Variants in MTMR12 observed in about 807,000 individuals in gnomAD.
MTMR12 encodes myotubularin-related protein 12.
A neutral mutation model predicts 96.7 loss-of-function variants in MTMR12; 33 were observed. The ratio of observed to expected loss-of-function variants is 0.34; its 90% confidence interval spans 0.26 to 0.46. The LOEUF (loss-of-function observed/expected upper bound fraction) is 0.46, where lower values mean the gene tolerates loss of function less well. Ranked by LOEUF, MTMR12 falls within the 20% of genes least tolerant of loss-of-function variation. The pLI is 1.00. For missense variants in MTMR12, 721 were observed against 896.1 expected (o/e 0.80, Z 2.49); for synonymous variants, 298 against 327.2 (o/e 0.91, Z 0.96).
intron 1 of MTMR12, among the ~76,000 whole-genome samples, chr5:32,308,061 C>T (rs184796960): frequency 1.3e-3 from 197 of 152,320 alleles, no homozygotes; most frequent in African/African-American, 4.4e-3. Context: ...GGGTGGCTCA[C>T]GCCTGTAATC....
At chr5:32,285,077 G>A (rs1022319503) in intron 1 of MTMR12, among the ~76,000 whole-genome samples, 3 of 152,118 alleles carry the variant, frequency 2.0e-5, no homozygotes, top group Non-Finnish European at 2.9e-5. Flanking sequence ...AGAAGCATGG[G>A]CCAGGCACAG....
intron 1 of MTMR12, among the ~76,000 whole-genome samples, chr5:32,295,396 T>C (rs542734890): frequency 7.9e-5 from 12 of 152,364 alleles, no homozygotes; most frequent in South Asian, 2.1e-4. Context: ...AAATTCAACC[T>C]GGTACCTGGT....
At chr5:32,304,703 C>T (rs918404399) in intron 1 of MTMR12, among the ~76,000 whole-genome samples, 2 of 152,176 alleles carry the variant, frequency 1.3e-5, no homozygotes, top group Non-Finnish European at 2.9e-5. Flanking sequence ...TTTTAACGTT[C>T]GAGCTAGAAG....
chr5:32,299,477 T>TG (rs536025332), intron 1 of MTMR12, among the ~76,000 whole-genome samples: 174 of 152,364 alleles, frequency 1.1e-3, no homozygotes, highest in African/African-American at 4.0e-3. Flanking sequence ...CGGATGTGAC[T>TG]GACAGCAGCT....
At position 32,276,736 on chromosome 5, in the gene MTMR12, G is replaced by C; in HGVS notation, c.88C>G (p.His30Asp). 1.9e-6 allele frequency: 3 copies of C among 1,613,404 alleles called. No individual in the cohort carries two copies. The highest frequency in any genetic ancestry group is 2.5e-6 in the Non-Finnish European group (3 of 1,179,516). Residue 30 changes from histidine to aspartate, a missense_variant, in exon 2 of 16, where the codon CAC becomes GAC. By Grantham distance (81) the His-to-Asp change is moderately conservative. Transcript: ENST00000382142. ...TCTGTTACTTCCTTTTCGTTTGTGT[G>C]AATTTCCTAAAAGAGAAGAGCAAAG... is the stretch of plus-strand genomic sequence containing the variant. ...FVSYVRPEEIHTNEKEVTEKE... is the reference protein window; with the variant it reads ...FVSYVRPEEIDTNEKEVTEKE...
At chr5:32,268,462 C>T (rs1749693569) in intron 6 of MTMR12, among the ~76,000 whole-genome samples, 1 of 149,800 alleles carries the variant, frequency 6.7e-6, no homozygotes, top group East Asian at 2.0e-4. Flanking sequence ...GGGCCAAAAT[C>T]ATGCCATTGC....
intron 6 of MTMR12, among the ~76,000 whole-genome samples, chr5:32,267,858 G>A (rs372380761): frequency 5.9e-5 from 9 of 151,618 alleles, no homozygotes; most frequent in East Asian, 1.9e-4. Context: ...TTTTTGAGAC[G>A]GAGTCTCATT....
At chr5:32,276,873 C>CTTT (rs779455702) in intron 1 of MTMR12, 131 bp from the exon 2 acceptor site, 14 of 123,772 alleles carry the variant, frequency 1.1e-4, no homozygotes, top group Middle Eastern at 2.8e-3. Context: ...TTACAAGCTA[C>CTTT]TTTTTTTTTT....
At chr5:32,251,052 CTCTT>C (rs1270427569) in intron 8 of MTMR12, among the ~76,000 whole-genome samples, 2 of 144,702 alleles carry the variant, frequency 1.4e-5, no homozygotes, top group South Asian at 4.2e-4. Flanking sequence ...TAAGGTCCCT[CTCTT>C]TTTTTTTTTT....
intron 15 of MTMR12, among the ~76,000 whole-genome samples, chr5:32,232,684 G>A (rs1404982414): frequency 1.3e-5 from 2 of 152,240 alleles, no homozygotes; most frequent in East Asian, 3.8e-4. Context: ...GCTGTTCTGG[G>A]GCTCAGGGCA....
At position 32,312,748 on chromosome 5, in the gene MTMR12, GC is replaced by G. The variant is rs1751654738; in HGVS notation, c.81+9del. 4.0e-6 allele frequency: 6 copies of G among 1,502,100 alleles called. No individual in the cohort carries two copies. The highest frequency in any genetic ancestry group is 2.9e-5 in the African/African-American group (2 of 69,286). The allele number at this position is 1,502,100 out of a possible 1,614,324, so 93.0% of individuals were successfully genotyped here. On this transcript the variant is annotated intron_variant, in intron 1 of 15. Transcript: ENST00000382142. This position sits in a 1 kb window ranked among gnomAD's most constrained non-coding sequence, Gnocchi z 5.0. ...CTGCCCGACGCCCCGCCTGCGCGGCGCCCCCTCACCTCAGGGCGTACGTACG... is the reference window on the plus strand; with the variant it reads ...CTGCCCGACGCCCCGCCTGCGCGGCGCCCCTCACCTCAGGGCGTACGTACG...
rs1023879653 is a variant in MTMR12, at chr5:32,270,739, T to C, written c.489+78A>G. On this transcript the variant is annotated intron_variant, in intron 5 of 15. Coordinates refer to ENST00000382142, the MANE Select transcript of MTMR12 (RefSeq NM_001040446.3). ...AGTGAAAGCCTCCCCTCAACCTTCA[T>C]GCAACGTAAGCAAAAACTAGAGCTA... 5.4e-6 allele frequency: 8 copies of C among 1,480,684 alleles called. No individual in the cohort carries two copies. The East Asian group carries it at 1.4e-4, about 25-fold the overall frequency. The allele number at this position is 1,480,684 out of a possible 1,614,324, so 91.7% of individuals were successfully genotyped here.
chr5:32,248,909 C>G, intron 8 of MTMR12, 31 bp from the exon 9 acceptor site: 1 of 1,536,082 alleles, frequency 6.5e-7, no homozygotes, highest in Non-Finnish European at 9.0e-7. Flanking sequence ...TTACCAGATA[C>G]AATAAACACA....
chr5:32,258,873 C>T lies in MTMR12; in HGVS notation c.714-3105G>A, dbSNP rs575162399. Among the ~76,000 whole-genome samples, 84 of 134,388 alleles carry T rather than the reference C, an allele frequency of 6.3e-4. 1 individual carries two copies. In the South Asian group the frequency reaches 0.015, roughly 24 times the overall value. The allele number at this position is 134,388 out of a possible 152,430, so 88.2% of individuals were successfully genotyped here. Reference sequence around the variant, plus strand: ...TGAATATTTTACACTGTTAGTTCATCGGTGAGTTTTCTTATAGATGGTCTT... The same window carrying T: ...TGAATATTTTACACTGTTAGTTCATTGGTGAGTTTTCTTATAGATGGTCTT... On this transcript the variant is annotated intron_variant, in intron 7 of 15. Coordinates refer to ENST00000382142, the MANE Select transcript of MTMR12 (RefSeq NM_001040446.3).
chr5:32,304,096 C>A (rs796181620), intron 1 of MTMR12, among the ~76,000 whole-genome samples: 2 of 152,012 alleles, frequency 1.3e-5, no homozygotes, highest in African/African-American at 4.8e-5. Context: ...CCGAGGCGGG[C>A]GGATCACAAG....
chr5:32,257,807 A>C (rs2112044923), intron 7 of MTMR12, among the ~76,000 whole-genome samples: 1 of 152,106 alleles, frequency 6.6e-6, no homozygotes, highest in South Asian at 2.1e-4. Context: ...AACAACAACA[A>C]AAAACTTGGA....
At chr5:32,285,119 A>G (rs1409734848) in intron 1 of MTMR12, among the ~76,000 whole-genome samples, 1 of 152,092 alleles carries the variant, frequency 6.6e-6, no homozygotes, top group Non-Finnish European at 1.5e-5. Context: ...GCACTTTGGG[A>G]GGCCGAGGTA....
chr5:32,258,227 C>T (rs1749218265), intron 7 of MTMR12, among the ~76,000 whole-genome samples: 1 of 152,178 alleles, frequency 6.6e-6, no homozygotes, highest in Non-Finnish European at 1.5e-5. Flanking sequence ...CTAATGGTCA[C>T]TAAGACACTT....
At chr5:32,264,198 G>A (rs1749498836) in intron 6 of MTMR12, among the ~76,000 whole-genome samples, 1 of 152,096 alleles carries the variant, frequency 6.6e-6, no homozygotes, top group Non-Finnish European at 1.5e-5. Flanking sequence ...ATGTGTCCTT[G>A]GTCTTCTCCC....
Sources: allele counts gnomAD v4.1 joint callset (sites outside exome capture counted in the v4.1 genomes callset), GRCh38; gene constraint gnomAD v4.1.1; non-coding constraint Gnocchi (gnomAD v3.1); transcripts MANE v1.5; gene names NCBI Gene and HGNC (gene_info 2026-07-23, HGNC 2026-07-21).